TMC6: variants seen among roughly 807,000 people sequenced by gnomAD.
TMC6 encodes the protein transmembrane channel like 6, also known as transmembrane channel-like protein 6.
In TMC6, 71 loss-of-function variants were observed where a neutral mutation model predicts 95.4. The ratio of observed to expected loss-of-function variants is 0.74; its 90% CI spans 0.61 to 0.91. The LOEUF is 0.91. TMC6 is among the 40% of genes least tolerant of loss of function. The pLI is 0.00. For synonymous variants in TMC6, 514 were observed against 483.1 expected (o/e 1.06, Z -0.84); for missense variants, 1,074 against 1,079.1 (o/e 1.00, Z 0.07).
In TMC6 at chr17:78,113,542, C is replaced by T. The variant is rs1431620865; in HGVS notation, c.2354+6G>A. 2 of 1,613,978 alleles carry T rather than the reference C, an allele frequency of 1.2e-6. No individual in the cohort carries two copies. Among genetic ancestry groups the T allele is most frequent in the East Asian group, 2.2e-5 (1 of 44,868 alleles). The stretch of plus-strand genomic sequence containing the variant: ...GAGTGTCCCCAATCCCTCCACGGAC[C>T]CTCACCTGCTCCTCTCCTCCCTCTC... On this transcript the variant is annotated splice_donor_region_variant and intron_variant, in intron 19 of 19. Transcript: ENST00000590602.
At chr17:78,115,455 A>G (rs2074020097) in intron 18 of TMC6, among the ~76,000 whole-genome samples, 1 of 152,182 alleles carries the variant, frequency 6.6e-6, no homozygotes, top group Admixed American at 6.5e-5. Context: ...GCCCAGCAGC[A>G]GGACGCAAGC....
At chr17:78,116,195 T>C (rs2145007656) in intron 18 of TMC6, among the ~76,000 whole-genome samples, 1 of 151,868 alleles carries the variant, frequency 6.6e-6, no homozygotes, top group East Asian at 1.9e-4. Flanking sequence ...CAGGCTGGTC[T>C]CGACCTCCTG....
At chr17:78,114,213 C>T (rs1266661391) in intron 18 of TMC6, among the ~76,000 whole-genome samples, 1 of 152,144 alleles carries the variant, frequency 6.6e-6, no homozygotes, top group Non-Finnish European at 1.5e-5. Context: ...TGGCTCTCAG[C>T]CCTTTCCTCC....
At position 78,122,730 on chromosome 17, in the gene TMC6, C is replaced by T. The variant is rs751138072; in HGVS notation, c.1102G>A (p.Glu368Lys). The T allele has an allele frequency of 1.9e-6, 3 of 1,610,782 alleles. No individual in the cohort carries two copies. Among genetic ancestry groups the T allele is most frequent in the Non-Finnish European group, 2.5e-6 (3 of 1,179,108 alleles). Reference protein sequence around the residue: ...LVYSMAHSFGESYRVGSTSGI... With the variant: ...LVYSMAHSFGKSYRVGSTSGI... ...GAGGTGCTGCCCACCCGGTAGCTCT[C>T]CCCGAAAGAGTGAGCCATGCTGGGG... The change falls in exon 10 of 20, where the codon GAG (glutamate) becomes AAG (lysine). Residue 368 changes from glutamate to lysine, a missense_variant. Transcript: ENST00000590602. The surrounding 1 kb of genome is among the most constrained non-coding windows in gnomAD (Gnocchi z 4.9).
rs1192567561 is a variant in TMC6, at chr17:78,128,224, C to G, written c.-75+388G>C. 6.6e-6 allele frequency among the ~76,000 whole-genome samples: 1 copy of G among 152,148 alleles called. No individual in the cohort carries two copies. Among genetic ancestry groups the G allele is most frequent in the African/African-American group, 2.4e-5 (1 of 41,440 alleles). On this transcript the variant is annotated intron_variant, in intron 1 of 19. Transcript: ENST00000590602. This position sits in a 1 kb window ranked among gnomAD's most constrained non-coding sequence, Gnocchi z 4.0. Reference sequence around the variant, plus strand: ...GAGCTTCCCGGGAGCAGCCGCTACCCAGGGAGAACCGCAACCTGGCCCCAG... The same window carrying G: ...GAGCTTCCCGGGAGCAGCCGCTACCGAGGGAGAACCGCAACCTGGCCCCAG...
intron 12 of TMC6, 69 bp from the exon 13 acceptor site, chr17:78,120,901 A>C: frequency 1.2e-6 from 2 of 1,611,350 alleles, no homozygotes; most frequent in Non-Finnish European, 1.7e-6. Context: ...CAGGGCCCCC[A>C]CCAGGGGCTT....
chr17:78,119,062 C>A lies in TMC6; in HGVS notation c.1812-16G>T. ...CACCCCCAGCCTGGGGAGGGGGTGG[C>A]AGTTCAGGGGCTGCTCCAGTGCCCT... On this transcript the variant is annotated splice_polypyrimidine_tract_variant and intron_variant, in intron 14 of 19. Coordinates refer to ENST00000590602, the MANE Select transcript of TMC6 (RefSeq NM_001127198.5). 1.2e-5 allele frequency: 19 copies of A among 1,568,048 alleles called. No homozygotes were observed. Among genetic ancestry groups the A allele is most frequent in the Non-Finnish European group, 1.6e-5 (18 of 1,155,720 alleles).
chr17:78,109,695 G>A lies in TMC6; in HGVS notation c.*3453C>T. The A allele has an allele frequency of 2.6e-6, 1 of 384,130 alleles. No individual in the cohort carries two copies. Among genetic ancestry groups the A allele is most frequent in the Non-Finnish European group, 5.3e-6 (1 of 189,024 alleles). The allele number at this position is 384,130 out of a possible 1,614,324, so 23.8% of individuals were successfully genotyped here. ...GGCGTGAGTGCATGCATGCGTTTGTGACAGCCTGGTGCTCGGATGGGCCCA... is the reference window on the plus strand; with the variant it reads ...GGCGTGAGTGCATGCATGCGTTTGTAACAGCCTGGTGCTCGGATGGGCCCA... On this transcript the variant is annotated 3_prime_UTR_variant, in exon 20 of 20. Coordinates refer to ENST00000590602, the MANE Select transcript of TMC6 (RefSeq NM_001127198.5).
In TMC6 at chr17:78,121,445, T is replaced by C; in HGVS notation, c.1383+111A>G. 3 of 1,551,086 alleles carry C rather than the reference T, an allele frequency of 1.9e-6. No homozygotes were observed. The South Asian group carries it at 3.5e-5, about 18-fold the overall frequency. On this transcript the variant is annotated intron_variant, in intron 11 of 19. Transcript: ENST00000590602. This position sits in a 1 kb window ranked among gnomAD's most constrained non-coding sequence, Gnocchi z 5.6. ...ACGGGGCACAGCGTACGTGGCACCC[T>C]GGGCTGGCTGGGTGGAGGAGGAGAG...
At chr17:78,117,233 G>T (rs368818098) in intron 18 of TMC6, 36 bp downstream of exon 18, 2 of 1,608,660 alleles carry the variant, frequency 1.2e-6, no homozygotes, top group Non-Finnish European at 1.7e-6. Flanking sequence ...GACCTGAGAG[G>T]GTGGGGGCTG....
Position 78,117,627 on chromosome 17 carries a change from G to A in TMC6, c.2039C>T (p.Thr680Ile). ...GTCCAGGGTCCGGAAGGGGCCGCAG[G>A]TGCTCGAGGGCTTCACCCTGGGGAA... is the stretch of plus-strand genomic sequence containing the variant. ...YAVWQVKPSS[T>I]CGPFRTLDTM... The change falls in exon 17 of 20, where the codon ACC becomes ATC. Residue 680 changes from threonine to isoleucine, a missense_variant. Coordinates refer to ENST00000590602, the MANE Select transcript of TMC6 (RefSeq NM_001127198.5). 6.4e-7 allele frequency: 1 copy of A among 1,573,240 alleles called. No homozygotes were observed. Among genetic ancestry groups the A allele is most frequent in the Non-Finnish European group, 8.6e-7 (1 of 1,160,336 alleles).
chr17:78,126,638 T>TGG lies in TMC6; in HGVS notation c.65_66dup (p.Ser23ProfsTer38). 1 of 1,613,236 alleles carries TGG rather than the reference T, an allele frequency of 6.2e-7. No individual in the cohort carries two copies. The highest frequency in any genetic ancestry group is 8.5e-7 in the Non-Finnish European group (1 of 1,179,930). Reference sequence around the variant, plus strand: ...TGCACTTCGCTTTCATCATAGGGGCTGGGGCCCTGGCTGCAGAGGGGGTTG... The same window carrying TGG: ...TGCACTTCGCTTTCATCATAGGGGCTGGGGGGCCCTGGCTGCAGAGGGGGTTG... On this transcript the variant is annotated frameshift_variant, in exon 3 of 20. Transcript: ENST00000590602. LOFTEE classifies it high-confidence loss of function.
At position 78,128,038 on chromosome 17, in the gene TMC6, T is replaced by G. The variant is rs1483303215; in HGVS notation, c.-75+574A>C. On this transcript the variant is annotated intron_variant, in intron 1 of 19. Coordinates refer to ENST00000590602, the MANE Select transcript of TMC6 (RefSeq NM_001127198.5). This position sits in a 1 kb window ranked among gnomAD's most constrained non-coding sequence, Gnocchi z 4.0. ...GAATCCCTTCCTCCAGACAGGCCCTTCTAAGCTCAGGGAACCCGGGGACTC... is the reference window on the plus strand; with the variant it reads ...GAATCCCTTCCTCCAGACAGGCCCTGCTAAGCTCAGGGAACCCGGGGACTC... Among the ~76,000 whole-genome samples, 1 of 152,168 alleles carries G rather than the reference T, an allele frequency of 6.6e-6. No individual in the cohort carries two copies. The highest frequency in any genetic ancestry group is 1.5e-5 in the Non-Finnish European group (1 of 68,028).
Position 78,117,534 on chromosome 17 carries a change from A to G in TMC6, c.2132T>C (p.Leu711Pro). Reference sequence around the variant, plus strand: ...CATCAGGTACCGGTGCACCCAGGGCAGCCAGGAGACCCTGGGGCCTGCCGC... The same window carrying G: ...CATCAGGTACCGGTGCACCCAGGGCGGCCAGGAGACCCTGGGGCCTGCCGC... ...LEAAGPRVSW[L>P]PWVHRYLMEN... The change falls in exon 17 of 20, where the codon CTG becomes CCG. Residue 711 changes from leucine (L) to proline (P), a missense_variant. Transcript: ENST00000590602. 1 of 1,603,306 alleles carries G rather than the reference A, an allele frequency of 6.2e-7. No individual in the cohort carries two copies. The highest frequency in any genetic ancestry group is 8.5e-7 in the Non-Finnish European group (1 of 1,176,502).
chr17:78,120,059 C>T (rs1433318128), intron 13 of TMC6: 1 of 379,402 alleles, frequency 2.6e-6, no homozygotes, highest in Non-Finnish European at 5.1e-6. Context: ...AGCGGAATAC[C>T]TGGAACATTT....
At position 78,113,583 on chromosome 17, in the gene TMC6, G is replaced by A; in HGVS notation, c.2319C>T (p.Ser773=). The A allele has an allele frequency of 6.2e-7, 1 of 1,613,958 alleles. No individual in the cohort carries two copies. The highest frequency in any genetic ancestry group is 8.5e-7 in the Non-Finnish European group (1 of 1,180,020). Reference sequence around the variant, plus strand: ...CCTCCCTCTCCTTCCTCTCGTAGATGGAGTGAAGCTTGTTGATTAAGAAGA... The same window carrying A: ...CCTCCCTCTCCTTCCTCTCGTAGATAGAGTGAAGCTTGTTGATTAAGAAGA... ...DKIFLINKLH[S]IYERKEREER... Residue 773 remains serine, a synonymous_variant, in exon 19 of 20, where the codon TCC becomes TCT. Coordinates refer to ENST00000590602, the MANE Select transcript of TMC6 (RefSeq NM_001127198.5).
In TMC6 at chr17:78,122,974, G is replaced by C; in HGVS notation, c.1083-225C>G. 1 of 639,100 alleles carries C rather than the reference G, an allele frequency of 1.6e-6. No homozygotes were observed. Among genetic ancestry groups the C allele is most frequent in the Non-Finnish European group, 2.7e-6 (1 of 367,612 alleles). The allele number at this position is 639,100 out of a possible 1,614,324, so 39.6% of individuals were successfully genotyped here. On this transcript the variant is annotated intron_variant, in intron 9 of 19. Coordinates refer to ENST00000590602, the MANE Select transcript of TMC6 (RefSeq NM_001127198.5). The surrounding 1 kb of genome is among the most constrained non-coding windows in gnomAD (Gnocchi z 4.9). Reference sequence around the variant, plus strand: ...CCACATCTGCCTAGAAGAGGGGGCAGGGCTGCATTCACCGCGGACTTGGCT... The same window carrying C: ...CCACATCTGCCTAGAAGAGGGGGCACGGCTGCATTCACCGCGGACTTGGCT...
rs764574773 is a variant in TMC6, at chr17:78,126,643, C to T, written c.62G>A (p.Gly21Asp). The T allele has an allele frequency of 2.5e-6, 4 of 1,613,114 alleles. No homozygotes were observed. The highest frequency in any genetic ancestry group is 2.7e-5 in the African/African-American group (2 of 74,918). ...TTCGCTTTCATCATAGGGGCTGGGG[C>T]CCTGGCTGCAGAGGGGGTTGGCGGG... Reference protein sequence around the residue: ...VPETPGDQGQGPSPYDESEVH... With the variant: ...VPETPGDQGQDPSPYDESEVH... The change falls in exon 3 of 20, where the codon GGC (glycine) becomes GAC (aspartate). Residue 21 changes from glycine to aspartate, a missense_variant. Coordinates refer to ENST00000590602, the MANE Select transcript of TMC6 (RefSeq NM_001127198.5).
intron 18 of TMC6, among the ~76,000 whole-genome samples, chr17:78,114,569 A>G (rs2073958903): frequency 6.6e-6 from 1 of 152,216 alleles, no homozygotes; most frequent in East Asian, 1.9e-4. Flanking sequence ...AACACTGATC[A>G]TCAGTGCCTG....
Sources: gnomAD v4.1 joint callset for allele counts (sites outside exome capture counted in the v4.1 genomes callset) on GRCh38, gnomAD v4.1.1 for gene constraint, Gnocchi (gnomAD v3.1) non-coding constraint, MANE v1.5 for transcripts, NCBI Gene and HGNC (gene_info 2026-07-23, HGNC 2026-07-21) for gene names.